Variants in FNDC3B observed in about 807,000 individuals in gnomAD.
FNDC3B encodes the protein fibronectin type III domain-containing protein 3B.
FNDC3B carries 12 observed loss-of-function variants against 151.5 expected under a neutral mutation model. The ratio of observed to expected loss-of-function variants is 0.08; its 90% CI spans 0.05 to 0.13. The LOEUF is 0.13. Among genes scored for constraint, FNDC3B ranks in the 10% least tolerant of loss-of-function variants. The pLI is 1.00. For synonymous variants in FNDC3B, 528 were observed against 549.0 expected (o/e 0.96, Z 0.54); for missense variants, 1,214 against 1,505.3 (o/e 0.81, Z 3.20).
At chr3:172,160,539 A>G (rs1315426768) in intron 3 of FNDC3B, among the ~76,000 whole-genome samples, 1 of 152,230 alleles carries the variant, frequency 6.6e-6, no homozygotes, top group Non-Finnish European at 1.5e-5. Flanking sequence ...GAATTTCACT[A>G]ATATTGGCCA....
At chr3:172,118,822 C>A (rs1720389419) in intron 2 of FNDC3B, among the ~76,000 whole-genome samples, 1 of 152,102 alleles carries the variant, frequency 6.6e-6, no homozygotes, top group African/African-American at 2.4e-5. Flanking sequence ...TTATAAAGCC[C>A]TCTGGAGTCA....
At chr3:172,226,763 T>C in intron 3 of FNDC3B, 108 bp from the exon 4 acceptor site, 1 of 712,392 alleles carries the variant, frequency 1.4e-6, no homozygotes, top group East Asian at 2.7e-5. Context: ...GAAGAGCAAA[T>C]TGTCAAAGTC....
chr3:172,197,815 T>C (rs1724916084), intron 3 of FNDC3B, among the ~76,000 whole-genome samples: 1 of 152,224 alleles, frequency 6.6e-6, no homozygotes, highest in Admixed American at 6.5e-5. Flanking sequence ...TTTCAGGTGG[T>C]CATAATATTG....
At chr3:172,292,226 G>A (rs1334968955) in intron 7 of FNDC3B, among the ~76,000 whole-genome samples, 1 of 152,166 alleles carries the variant, frequency 6.6e-6, no homozygotes, top group Admixed American at 6.5e-5. Context: ...TGGGTGTCAG[G>A]CTGCTTAGCT....
At chr3:172,069,829 T>A (rs1319945680) in intron 1 of FNDC3B, among the ~76,000 whole-genome samples, 2 of 152,236 alleles carry the variant, frequency 1.3e-5, no homozygotes, top group South Asian at 2.1e-4. Context: ...TAAAGCAGTT[T>A]ACAAGGTGAT....
At chr3:172,093,810 C>T (rs1437242422) in intron 1 of FNDC3B, among the ~76,000 whole-genome samples, 1 of 152,228 alleles carries the variant, frequency 6.6e-6, no homozygotes, top group Non-Finnish European at 1.5e-5. Flanking sequence ...ACTGCCTGCT[C>T]TTTCTGTTCA....
At position 172,378,166 on chromosome 3, in the gene FNDC3B, C is replaced by T. The variant is rs913684975; in HGVS notation, c.3009-104C>T. 1.2e-4 allele frequency: 105 copies of T among 849,476 alleles called. 1 individual carries two copies. The highest frequency in any genetic ancestry group is 1.2e-4 in the African/African-American group (7 of 58,506). The allele number at this position is 849,476 out of a possible 1,614,324, so 52.6% of individuals were successfully genotyped here. On this transcript the variant is annotated intron_variant, in intron 23 of 25. Coordinates refer to ENST00000415807, the MANE Select transcript of FNDC3B (RefSeq NM_022763.4). ...TTATTAATTCAGAATGTATGGAAAG[C>T]GTTTACCAGGTTGGCCTAATCTGCT...
chr3:172,372,023 C>G (rs2108357972), intron 23 of FNDC3B, among the ~76,000 whole-genome samples: 1 of 152,312 alleles, frequency 6.6e-6, no homozygotes, highest in Non-Finnish European at 1.5e-5. Context: ...TTTTAATTCT[C>G]TCAATAATGC....
intron 3 of FNDC3B, among the ~76,000 whole-genome samples, chr3:172,216,638 A>G (rs111410533): frequency 0.077 from 11,766 of 152,234 alleles, 731 homozygotes; most frequent in African/African-American, 0.18. Context: ...ATGCCATTGC[A>G]CTGCAGCCTG....
chr3:172,197,280 A>G (rs1724887633), intron 3 of FNDC3B, among the ~76,000 whole-genome samples: 1 of 152,212 alleles, frequency 6.6e-6, no homozygotes, highest in East Asian at 1.9e-4. Flanking sequence ...ACGGTGCAAA[A>G]TACTTGACAG....
intron 5 of FNDC3B, 54 bp downstream of exon 5, chr3:172,247,830 A>G (rs1195579478): frequency 1.3e-6 from 2 of 1,594,130 alleles, no homozygotes; most frequent in Non-Finnish European, 1.7e-6. Flanking sequence ...ACAGCGTTTC[A>G]ATAGTTCAAG....
At chr3:172,307,919 C>T (rs1297379451) in intron 10 of FNDC3B, among the ~76,000 whole-genome samples, 4 of 152,116 alleles carry the variant, frequency 2.6e-5, no homozygotes, top group Non-Finnish European at 4.4e-5. Context: ...ATAAGCAACA[C>T]GTATAAGTGA....
chr3:172,213,527 C>A (rs1725831971), intron 3 of FNDC3B, among the ~76,000 whole-genome samples: 1 of 152,156 alleles, frequency 6.6e-6, no homozygotes, highest in Non-Finnish European at 1.5e-5. Context: ...AAAGTTTTGC[C>A]TTGAAGGGAT....
intron 3 of FNDC3B, among the ~76,000 whole-genome samples, chr3:172,187,643 T>G (rs1295783835): frequency 6.6e-6 from 1 of 152,244 alleles, no homozygotes; most frequent in African/African-American, 2.4e-5. Flanking sequence ...GTAACTTCTT[T>G]CTTTGTATTG....
chr3:172,302,662 C>G (rs2108234134), intron 9 of FNDC3B: 1 of 152,224 alleles, frequency 6.6e-6, no homozygotes, highest in East Asian at 1.9e-4. Flanking sequence ...TTAGGAAGAC[C>G]TTTATTAAAA....
intron 22 of FNDC3B, among the ~76,000 whole-genome samples, chr3:172,355,862 C>T (rs1339915321): frequency 5.9e-5 from 9 of 152,186 alleles, no homozygotes; most frequent in Admixed American, 6.5e-5. Flanking sequence ...GTGCAGTGCC[C>T]AGACCTCCAG....
chr3:172,401,597 AT>A lies in FNDC3B; in HGVS notation c.*4123del, dbSNP rs1246207809. The A allele has an allele frequency of 1.3e-5, 2 of 152,248 alleles. No homozygotes were observed. The highest frequency in any genetic ancestry group is 2.9e-5 in the Non-Finnish European group (2 of 68,074). The allele number at this position is 152,248 out of a possible 1,614,324, so 9.4% of individuals were successfully genotyped here. Reference sequence around the variant, plus strand: ...CCCTGACGAACTCTATAGAGTGTTCATGTCCTTTCCTGCAGGTCTCATTCAA... The same window carrying A: ...CCCTGACGAACTCTATAGAGTGTTCAGTCCTTTCCTGCAGGTCTCATTCAA... On this transcript the variant is annotated 3_prime_UTR_variant, in exon 26 of 26. Transcript: ENST00000415807.
At chr3:172,239,527 C>T (rs968204808) in intron 4 of FNDC3B, among the ~76,000 whole-genome samples, 2 of 152,230 alleles carry the variant, frequency 1.3e-5, no homozygotes, top group African/African-American at 2.4e-5. Flanking sequence ...CATCACACTA[C>T]GTATGTTTGT....
chr3:172,174,593 T>C (rs1023094729), intron 3 of FNDC3B, among the ~76,000 whole-genome samples: 1 of 152,174 alleles, frequency 6.6e-6, no homozygotes, highest in Non-Finnish European at 1.5e-5. Flanking sequence ...TGAAAGACTT[T>C]TAGAAAGAGC....
Sources: allele counts gnomAD v4.1 joint callset (sites outside exome capture counted in the v4.1 genomes callset), GRCh38; gene constraint gnomAD v4.1.1; transcripts MANE v1.5; gene names NCBI Gene and HGNC (gene_info 2026-07-23, HGNC 2026-07-21).